Variants in GRIA3 observed in about 807,000 individuals in gnomAD.
GRIA3 encodes glutamate ionotropic receptor AMPA type subunit 3.
Under a neutral mutation model 63.0 loss-of-function variants are expected in GRIA3, and 3 were observed. The ratio of observed to expected loss-of-function variants is 0.05; its 90% CI spans 0.02 to 0.12. The LOEUF is 0.12. Ranked by LOEUF, GRIA3 falls within the 10% of genes least tolerant of loss-of-function variation. The pLI, the probability that GRIA3 is intolerant of heterozygous loss-of-function variation, is 1.00. For synonymous variants in GRIA3, 274 were observed against 257.9 expected (o/e 1.06, Z -0.60); for missense variants, 347 against 700.9 (o/e 0.50, Z 5.70).
chrX:123,265,618 A>G (rs2044483681), intron 3 of GRIA3, among the ~76,000 whole-genome samples: 1 of 111,883 alleles, frequency 8.9e-6, no homozygotes, highest in Non-Finnish European at 1.9e-5. Context: ...GCAGAGAAAA[A>G]TCCGTGTATA....
intron 3 of GRIA3, among the ~76,000 whole-genome samples, chrX:123,306,480 A>C (rs1231562521): frequency 8.9e-6 from 1 of 112,198 alleles, no homozygotes; most frequent in Non-Finnish European, 1.9e-5. Context: ...TGATCTATTC[A>C]AATAATATAT....
chrX:123,367,658 A>C (rs1421240557), intron 5 of GRIA3, among the ~76,000 whole-genome samples: 2 of 111,222 alleles, frequency 1.8e-5, no homozygotes, highest in African/African-American at 6.5e-5. Context: ...GCTGGTCTAG[A>C]ACTGCTAACC....
chrX:123,362,895 G>T (rs1167908658), intron 5 of GRIA3, among the ~76,000 whole-genome samples: 1 of 112,721 alleles, frequency 8.9e-6, no homozygotes, highest in African/African-American at 3.2e-5. Context: ...CACTTAATAG[G>T]TTTCTAAGTA....
intron 3 of GRIA3, among the ~76,000 whole-genome samples, chrX:123,324,822 C>T (rs1381408043): frequency 2.7e-5 from 3 of 111,431 alleles, no homozygotes; most frequent in Non-Finnish European, 5.6e-5. Context: ...ATGTCAATAC[C>T]ATTTTCTATG....
intron 5 of GRIA3, among the ~76,000 whole-genome samples, chrX:123,359,185 G>A (rs1014084918): frequency 8.9e-6 from 1 of 111,864 alleles, no homozygotes; most frequent in South Asian, 3.7e-4. Context: ...AGTTTTGAAT[G>A]TATATTAAAT....
intron 2 of GRIA3, among the ~76,000 whole-genome samples, chrX:123,192,936 C>T (rs2147248883): frequency 9.0e-6 from 1 of 110,749 alleles, no homozygotes; most frequent in South Asian, 3.9e-4. Context: ...GCTTCTGGTC[C>T]TGGAACCACA....
At chrX:123,252,657 G>A (rs2044397609) in intron 2 of GRIA3, among the ~76,000 whole-genome samples, 1 of 111,407 alleles carries the variant, frequency 9.0e-6, no homozygotes, top group Non-Finnish European at 1.9e-5. Context: ...GATCAAGATA[G>A]AACTTTCCCA....
At chrX:123,227,245 AC>A (rs61590024) in intron 2 of GRIA3, among the ~76,000 whole-genome samples, 3,925 of 111,747 alleles carry the variant, frequency 0.035, 173 homozygotes, top group African/African-American at 0.12. Flanking sequence ...TATGCATGGT[AC>A]CTTTTTTTCT....
chrX:123,408,085 C>A (rs1362239910), intron 10 of GRIA3, among the ~76,000 whole-genome samples: 2 of 110,945 alleles, frequency 1.8e-5, no homozygotes, highest in Non-Finnish European at 3.8e-5. Context: ...CCTCAAGTTC[C>A]TGAGTAGCTG....
At chrX:123,427,194 T>C (rs944525294) in intron 11 of GRIA3, among the ~76,000 whole-genome samples, 1 of 112,363 alleles carries the variant, frequency 8.9e-6, no homozygotes, top group Non-Finnish European at 1.9e-5. Flanking sequence ...AAGTGAATAG[T>C]GCTCATTTTC....
At chrX:123,285,720 A>G (rs1357627842) in intron 3 of GRIA3, among the ~76,000 whole-genome samples, 1 of 110,964 alleles carries the variant, frequency 9.0e-6, no homozygotes, top group East Asian at 2.8e-4. Flanking sequence ...AGAGCTAACT[A>G]TCCTAAATAT....
intron 3 of GRIA3, among the ~76,000 whole-genome samples, chrX:123,280,375 G>T (rs2044579112): frequency 8.9e-6 from 1 of 111,889 alleles, no homozygotes; most frequent in African/African-American, 3.2e-5. Context: ...GGTGCTTTTG[G>T]GTCTGGCTAT....
intron 12 of GRIA3, among the ~76,000 whole-genome samples, chrX:123,464,499 C>A (rs2045824486): frequency 9.0e-6 from 1 of 111,489 alleles, no homozygotes; most frequent in Non-Finnish European, 1.9e-5. Context: ...ATAAACATAG[C>A]AGGATATTGT....
chrX:123,191,612 C>T (rs1182951462), intron 2 of GRIA3, among the ~76,000 whole-genome samples: 2 of 111,485 alleles, frequency 1.8e-5, no homozygotes, highest in Non-Finnish European at 3.8e-5. Context: ...CTCCCTTTTG[C>T]TGGTCTCTGC....
chrX:123,261,500 G>A (rs772897737), intron 3 of GRIA3, among the ~76,000 whole-genome samples: 2 of 111,768 alleles, frequency 1.8e-5, no homozygotes, highest in African/African-American at 6.5e-5. Context: ...GTGAATTTGA[G>A]GTTGAATTGA....
At chrX:123,307,928 G>A (rs764923744) in intron 3 of GRIA3, among the ~76,000 whole-genome samples, 115 of 111,428 alleles carry the variant, frequency 1.0e-3, no homozygotes, top group African/African-American at 3.6e-3. Flanking sequence ...TTTTCCCTGG[G>A]TCTGCCTTGT....
chrX:123,408,833 C>T (rs917241755), intron 10 of GRIA3, among the ~76,000 whole-genome samples: 7 of 112,175 alleles, frequency 6.2e-5, no homozygotes, highest in Admixed American at 2.8e-4. Context: ...GAGAAGACTG[C>T]CAAATTCCAT....
At chrX:123,284,914 C>G (rs780683762) in intron 3 of GRIA3, among the ~76,000 whole-genome samples, 1 of 111,149 alleles carries the variant, frequency 9.0e-6, no homozygotes, top group African/African-American at 3.3e-5. Context: ...CACAAAGATA[C>G]TCCTCGAGAA....
At chrX:123,217,176 T>C (rs1192660778) in intron 2 of GRIA3, among the ~76,000 whole-genome samples, 1 of 111,485 alleles carries the variant, frequency 9.0e-6, no homozygotes, top group Non-Finnish European at 1.9e-5. Context: ...AAGTCAAGGC[T>C]GTGAGCTCAG....
Sources: allele counts gnomAD v4.1 joint callset (sites outside exome capture counted in the v4.1 genomes callset), GRCh38; gene constraint gnomAD v4.1.1; transcripts MANE v1.5; gene names NCBI Gene and HGNC (gene_info 2026-07-23, HGNC 2026-07-21).